Variants in SGCZ observed in about 807,000 individuals in gnomAD.
SGCZ encodes sarcoglycan zeta, also known as zeta-sarcoglycan.
In SGCZ, 40 loss-of-function variants were observed where a neutral mutation model predicts 41.3. The observed-to-expected ratio is 0.97, with a 90% CI of 0.75 to 1.26. SGCZ has a LOEUF of 1.26. Ranked by LOEUF, SGCZ falls within the 50% of genes most tolerant of loss-of-function variation. The pLI is 0.00. For missense variants in SGCZ, 552 were observed against 369.8 expected (o/e 1.49, Z -4.04); for synonymous variants, 206 against 137.5 (o/e 1.50, Z -3.49).
chr8:14,913,143 C>T (rs1321737788), intron 1 of SGCZ, among the ~76,000 whole-genome samples: 2 of 151,982 alleles, frequency 1.3e-5, no homozygotes, highest in Admixed American at 6.6e-5. Context: ...TATACATTCT[C>T]ACTGAATGAA....
intron 2 of SGCZ, among the ~76,000 whole-genome samples, chr8:14,501,206 T>C (rs1428465821): frequency 1.3e-5 from 2 of 151,784 alleles, no homozygotes; most frequent in Non-Finnish European, 2.9e-5. Flanking sequence ...ACTCACTGAC[T>C]CTTCTGCTTG....
chr8:14,212,578 G>A (rs772914463), intron 4 of SGCZ, among the ~76,000 whole-genome samples: 1 of 151,818 alleles, frequency 6.6e-6, no homozygotes, highest in African/African-American at 2.4e-5. Context: ...AAACCAGGTG[G>A]CGTGACTGAT....
intron 1 of SGCZ, among the ~76,000 whole-genome samples, chr8:14,744,151 A>C (rs914411443): frequency 6.6e-6 from 1 of 152,142 alleles, no homozygotes; most frequent in Non-Finnish European, 1.5e-5. Flanking sequence ...CACAATTCTT[A>C]AAAACCACCA....
At chr8:14,913,681 A>T (rs1472311362) in intron 1 of SGCZ, among the ~76,000 whole-genome samples, 3 of 152,030 alleles carry the variant, frequency 2.0e-5, no homozygotes, top group Admixed American at 6.6e-5. Context: ...CTGTTATTTT[A>T]AATTATGTGT....
At chr8:15,180,092 T>A (rs1200026079) in intron 1 of SGCZ, among the ~76,000 whole-genome samples, 1 of 152,194 alleles carries the variant, frequency 6.6e-6, no homozygotes, top group Non-Finnish European at 1.5e-5. Flanking sequence ...TTATCGTTCC[T>A]ACATCCATGC....
At chr8:14,352,544 G>C (rs1464759823) in intron 2 of SGCZ, among the ~76,000 whole-genome samples, 2 of 152,074 alleles carry the variant, frequency 1.3e-5, no homozygotes. Context: ...AATATTACCA[G>C]GTGCAAAAGA....
chr8:15,200,823 C>T (rs1800866865), intron 1 of SGCZ, among the ~76,000 whole-genome samples: 1 of 152,166 alleles, frequency 6.6e-6, no homozygotes, highest in African/African-American at 2.4e-5. Context: ...AAGTCCTTAA[C>T]CTGTCACACT....
rs957591247 is a variant in SGCZ, at chr8:14,710,145, T to G, written c.40-155219A>C. ...ACTCTGGGAGGCCGAGGAGGGCAGA[T>G]CACGAGGTCAGGAGATCGAGACCAT... On this transcript the variant is annotated intron_variant, in intron 1 of 7. Coordinates refer to ENST00000382080, the MANE Select transcript of SGCZ (RefSeq NM_139167.4). 3.3e-5 allele frequency among the ~76,000 whole-genome samples: 5 copies of G among 151,930 alleles called. No homozygotes were observed. In the East Asian group the frequency reaches 9.7e-4, roughly 29 times the overall value.
At chr8:14,474,190 C>T (rs928238836) in intron 2 of SGCZ, among the ~76,000 whole-genome samples, 1 of 152,110 alleles carries the variant, frequency 6.6e-6, no homozygotes, top group African/African-American at 2.4e-5. Flanking sequence ...ATTTTTTGCA[C>T]TCACAACTGA....
chr8:14,750,815 A>T (rs1015179170), intron 1 of SGCZ, among the ~76,000 whole-genome samples: 5 of 152,208 alleles, frequency 3.3e-5, no homozygotes, highest in Admixed American at 1.3e-4. Context: ...TAGTTTTGCG[A>T]AATGCATATT....
At chr8:14,413,125 T>A (rs1412180197) in intron 2 of SGCZ, among the ~76,000 whole-genome samples, 1 of 152,024 alleles carries the variant, frequency 6.6e-6, no homozygotes, top group Non-Finnish European at 1.5e-5. Flanking sequence ...TTTAAACTTC[T>A]TATCAATATC....
chr8:14,331,112 GAC>G (rs1208706979), intron 2 of SGCZ, among the ~76,000 whole-genome samples: 6 of 151,680 alleles, frequency 4.0e-5, no homozygotes, highest in Admixed American at 1.3e-4. Flanking sequence ...AAATCTTAAA[GAC>G]ACAGTTTCGA....
chr8:14,784,929 TATATAA>T (rs1336300643), intron 1 of SGCZ, among the ~76,000 whole-genome samples: 54 of 91,026 alleles, frequency 5.9e-4, no homozygotes, highest in South Asian at 1.7e-3. Flanking sequence ...TATATATATA[TATATAA>T]AATATATATA....
intron 2 of SGCZ, among the ~76,000 whole-genome samples, chr8:14,334,877 G>A (rs1227396052): frequency 6.6e-6 from 1 of 152,170 alleles, no homozygotes; most frequent in Non-Finnish European, 1.5e-5. Flanking sequence ...TCATTATACA[G>A]AAGTAACTTG....
intron 2 of SGCZ, among the ~76,000 whole-genome samples, chr8:14,332,139 A>G (rs1802350270): frequency 6.6e-6 from 1 of 152,190 alleles, no homozygotes; most frequent in Admixed American, 6.5e-5. Flanking sequence ...GAAAAATTAA[A>G]AATAAAAATA....
chr8:14,883,315 A>G (rs1349601386), intron 1 of SGCZ, among the ~76,000 whole-genome samples: 1 of 151,754 alleles, frequency 6.6e-6, no homozygotes, highest in Non-Finnish European at 1.5e-5. Context: ...TGGCCCTTGG[A>G]ATCCTGGGTT....
At chr8:14,429,595 A>C (rs1158967696) in intron 2 of SGCZ, among the ~76,000 whole-genome samples, 1 of 152,186 alleles carries the variant, frequency 6.6e-6, no homozygotes, top group Non-Finnish European at 1.5e-5. Flanking sequence ...TTATTTGTAA[A>C]TATCTTCTTT....
chr8:14,191,329 T>G (rs147923610), intron 4 of SGCZ, among the ~76,000 whole-genome samples: 1 of 152,196 alleles, frequency 6.6e-6, no homozygotes, highest in African/African-American at 2.4e-5. Context: ...GTGTTGAAAG[T>G]TTTTAGTTTG....
intron 1 of SGCZ, among the ~76,000 whole-genome samples, chr8:15,130,307 C>G (rs887498821): frequency 6.6e-6 from 1 of 152,150 alleles, no homozygotes. Context: ...AGCCACTTGA[C>G]GGGAAGTAAT....
Sources: allele counts gnomAD v4.1 joint callset (sites outside exome capture counted in the v4.1 genomes callset), GRCh38; gene constraint gnomAD v4.1.1; transcripts MANE v1.5; gene names NCBI Gene and HGNC (gene_info 2026-07-23, HGNC 2026-07-21).